Variants in PTPRJ observed in about 807,000 individuals in gnomAD.
The protein encoded by PTPRJ is protein tyrosine phosphatase receptor type J, also known as receptor-type tyrosine-protein phosphatase eta.
Under a neutral mutation model 141.3 loss-of-function variants are expected in PTPRJ, and 129 were observed. The ratio of observed to expected loss-of-function variants is 0.91; its 90% CI spans 0.79 to 1.06. The LOEUF is 1.06. PTPRJ is among the 50% of genes least tolerant of loss of function. The pLI is 0.00. For missense variants in PTPRJ, 1,601 were observed against 1,679.7 expected (o/e 0.95, Z 0.82); for synonymous variants, 610 against 640.5 (o/e 0.95, Z 0.72).
intron 3 of PTPRJ, among the ~76,000 whole-genome samples, chr11:48,120,620 G>A (rs60786524): frequency 0.021 from 3,136 of 151,798 alleles, 109 homozygotes; most frequent in African/African-American, 0.071. Context: ...TGTTTTTTTA[G>A]TAGAGGTGGG....
intron 1 of PTPRJ, among the ~76,000 whole-genome samples, chr11:48,067,329 C>T (rs1047814075): frequency 6.6e-6 from 1 of 152,196 alleles, no homozygotes; most frequent in African/African-American, 2.4e-5. Context: ...AAAGCAATGC[C>T]GCTGCCAATG....
intron 1 of PTPRJ, among the ~76,000 whole-genome samples, chr11:48,024,536 T>C (rs766784433): frequency 3.9e-5 from 6 of 152,196 alleles, no homozygotes; most frequent in Non-Finnish European, 8.8e-5. Context: ...GATCAACCTT[T>C]TCTTTTCTAT....
At chr11:48,036,697 A>G (rs1854132895) in intron 1 of PTPRJ, among the ~76,000 whole-genome samples, 1 of 152,194 alleles carries the variant, frequency 6.6e-6, no homozygotes, top group Non-Finnish European at 1.5e-5. Context: ...CACTGAGAAT[A>G]TGAGCTTAAG....
rs79825652 is a variant in PTPRJ at position 47,988,713 on chromosome 11, A to G, written c.96+7705A>G. ...TCAGGATTACTGGATTGGAAGATGC[A>G]TGCATTTAAAAGTGTGATTGCTGTT... is the stretch of plus-strand genomic sequence containing the variant. On this transcript the variant is annotated intron_variant, in intron 1 of 24. Transcript: ENST00000418331. 8.8e-3 allele frequency among the ~76,000 whole-genome samples: 1,337 copies of G among 152,152 alleles called. 26 individuals carry two copies. Among genetic ancestry groups the G allele is most frequent in the African/African-American group, 0.03 (1,263 of 41,484 alleles).
intron 1 of PTPRJ, among the ~76,000 whole-genome samples, chr11:48,055,448 C>T (rs1304290709): frequency 6.6e-6 from 1 of 152,210 alleles, no homozygotes; most frequent in Non-Finnish European, 1.5e-5. Context: ...TTTTGCTTTT[C>T]ATTCTTGGCC....
chr11:48,137,476 T>C (rs991786169), intron 10 of PTPRJ, among the ~76,000 whole-genome samples, 195 bp downstream of exon 10: 5 of 152,232 alleles, frequency 3.3e-5, no homozygotes, highest in African/African-American at 9.7e-5. Flanking sequence ...AAATATTTAT[T>C]GAGCATATAC....
chr11:48,164,750 G>A (rs1857877712), intron 24 of PTPRJ, among the ~76,000 whole-genome samples: 1 of 151,822 alleles, frequency 6.6e-6, no homozygotes. Flanking sequence ...AATTTTAGTA[G>A]AGACGGTGTT....
chr11:48,013,814 C>T (rs543439919), intron 1 of PTPRJ, among the ~76,000 whole-genome samples: 12 of 152,298 alleles, frequency 7.9e-5, no homozygotes, highest in African/African-American at 2.4e-4. Flanking sequence ...ATCCCTCCTC[C>T]CCTACCCACT....
chr11:48,079,757 G>A (rs183286432), intron 1 of PTPRJ, among the ~76,000 whole-genome samples: 7 of 152,228 alleles, frequency 4.6e-5, no homozygotes, highest in East Asian at 1.9e-4. Context: ...GCTTTCCCCC[G>A]CTTGCCTTTA....
intron 15 of PTPRJ, among the ~76,000 whole-genome samples, chr11:48,148,468 G>A (rs918052811): frequency 1.3e-5 from 2 of 151,002 alleles, no homozygotes; most frequent in African/African-American, 4.9e-5. Context: ...ACAGAGTTTC[G>A]TTCTTGTTGT....
At chr11:48,034,293 C>T (rs61914717) in intron 1 of PTPRJ, among the ~76,000 whole-genome samples, 1 of 152,022 alleles carries the variant, frequency 6.6e-6, no homozygotes, top group Non-Finnish European at 1.5e-5. Flanking sequence ...TTAACCAGGG[C>T]CTTTTTTTTT....
chr11:48,050,973 GT>G (rs914780054), intron 1 of PTPRJ, among the ~76,000 whole-genome samples: 3 of 147,934 alleles, frequency 2.0e-5, no homozygotes, highest in Non-Finnish European at 4.5e-5. Flanking sequence ...TCACTTGCCA[GT>G]TTTGGTAACC....
chr11:48,125,207 T>A lies in PTPRJ; in HGVS notation c.1093+21T>A, dbSNP rs762967893. ...GACAAGTAGGTTGAACTTTGTAAAA[T>A]GGTGGCAGCCAGAGTTTCCTAGCAC... is the stretch of plus-strand genomic sequence containing the variant. On this transcript the variant is annotated intron_variant, in intron 6 of 24. Transcript: ENST00000418331. The A allele has an allele frequency of 2.5e-5, 41 of 1,610,614 alleles. No individual in the cohort carries two copies. The highest frequency in any genetic ancestry group is 3.1e-5 in the Non-Finnish European group (37 of 1,176,898).
chr11:48,053,218 TATTAAATATATTATATATAATATA>T (rs1382383200), intron 1 of PTPRJ, among the ~76,000 whole-genome samples: 1 of 91,992 alleles, frequency 1.1e-5, no homozygotes, highest in African/African-American at 4.7e-5. Context: ...ATATATAATA[TATTAAATATATTATATATAATATA>T]TTTATATAAT....
rs867800486 is a variant in PTPRJ at position 47,980,613 on chromosome 11, G to A, written c.-300G>A. The A allele has an allele frequency of 3.1e-6, 3 of 983,482 alleles. No individual in the cohort carries two copies. Among genetic ancestry groups the A allele is most frequent in the African/African-American group, 1.8e-5 (1 of 56,936 alleles). The allele number at this position is 983,482 out of a possible 1,614,324, so 60.9% of individuals were successfully genotyped here. A position where few individuals can be genotyped will look rare whatever the true frequency, so the allele number is the denominator to read the frequency against. Reference sequence around the variant, plus strand: ...CAGCGGGAGCAGCCGCGGGAGCCGGGACCGGGTAGCCGCGCGCTGGGGGTG... The same window carrying A: ...CAGCGGGAGCAGCCGCGGGAGCCGGAACCGGGTAGCCGCGCGCTGGGGGTG... On this transcript the variant is annotated 5_prime_UTR_variant, in exon 1 of 25. Transcript: ENST00000418331.
intron 8 of PTPRJ, among the ~76,000 whole-genome samples, chr11:48,135,506 G>C (rs1197133501): frequency 2.3e-5 from 2 of 88,640 alleles, no homozygotes; most frequent in African/African-American, 9.6e-5. Flanking sequence ...TTTTGAGACA[G>C]AGCCTCATTC....
At chr11:48,087,049 T>G (rs1293518566) in intron 1 of PTPRJ, among the ~76,000 whole-genome samples, 1 of 152,244 alleles carries the variant, frequency 6.6e-6, no homozygotes, top group Admixed American at 6.5e-5. Flanking sequence ...TAGTGTTATA[T>G]CTCTTTAGCA....
intron 1 of PTPRJ, among the ~76,000 whole-genome samples, chr11:48,026,902 T>C (rs1202081960): frequency 6.6e-6 from 1 of 152,044 alleles, no homozygotes; most frequent in Non-Finnish European, 1.5e-5. Flanking sequence ...CTTAATGCCT[T>C]TGCATGAGAG....
intron 1 of PTPRJ, among the ~76,000 whole-genome samples, chr11:48,067,966 C>G (rs575830481): frequency 3.8e-4 from 58 of 152,278 alleles, no homozygotes; most frequent in African/African-American, 1.3e-3. Flanking sequence ...TAATCCAGCC[C>G]AATATGAACA....
Sources: gnomAD v4.1 joint callset for allele counts (sites outside exome capture counted in the v4.1 genomes callset) on GRCh38, gnomAD v4.1.1 for gene constraint, MANE v1.5 for transcripts, NCBI Gene and HGNC (gene_info 2026-07-23, HGNC 2026-07-21) for gene names.